The following RRP15 variants were observed in gnomAD, a reference collection of about 807,000 sequenced individuals.
RRP15 encodes RRP15-like protein.
RRP15 carries 18 observed loss-of-function variants against 27.1 expected under a neutral mutation model. The observed-to-expected ratio is 0.66, with a 90% CI of 0.46 to 0.98. The LOEUF is 0.98. Ranked by LOEUF, RRP15 falls within the 50% of genes least tolerant of loss-of-function variation. RRP15 has a pLI of 0.00. For missense variants in RRP15, 359 were observed against 337.8 expected (o/e 1.06, Z -0.49); for synonymous variants, 107 against 109.4 (o/e 0.98, Z 0.14).
At chr1:218,295,902 T>C (rs1175821819) in intron 1 of RRP15, among the ~76,000 whole-genome samples, 1 of 152,178 alleles carries the variant, frequency 6.6e-6, no homozygotes, top group Non-Finnish European at 1.5e-5. Context: ...CTTCATTTTT[T>C]CAAAGGTAAC....
intron 3 of RRP15, among the ~76,000 whole-genome samples, chr1:218,307,119 T>G (rs553786682): frequency 6.6e-6 from 1 of 152,372 alleles, no homozygotes; most frequent in Admixed American, 6.5e-5. Flanking sequence ...TTTAAGCTAC[T>G]GAGGCATTAT....
At chr1:218,315,984 A>T (rs1271288296) in intron 4 of RRP15, among the ~76,000 whole-genome samples, 1 of 152,230 alleles carries the variant, frequency 6.6e-6, no homozygotes, top group Admixed American at 6.5e-5. Context: ...CATGTTTGAA[A>T]TGAGAACAAG....
rs1656398124 is a variant in RRP15 at position 218,333,014 on chromosome 1, G to A, written c.*1923G>A. 6.6e-6 allele frequency: 1 copy of A among 152,086 alleles called. No individual in the cohort carries two copies. The highest frequency in any genetic ancestry group is 1.5e-5 in the Non-Finnish European group (1 of 68,000). The allele number at this position is 152,086 out of a possible 1,614,324, so 9.4% of individuals were successfully genotyped here. A position where few individuals can be genotyped will look rare whatever the true frequency, so the allele number is the denominator to read the frequency against. ...ATAGTACATTCACATGATAGATACG[G>A]ATAAATACCTTATTTACTAAAATGT... On this transcript the variant is annotated 3_prime_UTR_variant, in exon 5 of 5. Transcript: ENST00000366932.
At position 218,305,074 on chromosome 1, in the gene RRP15, A is replaced by T. The variant is rs764008100; in HGVS notation, c.452A>T (p.Asp151Val). ...EWEMMCRVKP[D>V]VVQDKETERN... ...GAAATGATGTGCAGAGTAAAGCCAG[A>T]TGTTGTCCAAGACAAAGAGACAGAG... The change falls in exon 3 of 5, where the codon GAT (aspartate) becomes GTT (valine). Residue 151 changes from aspartate (D) to valine (V), a missense_variant. Coordinates refer to ENST00000366932, the MANE Select transcript of RRP15 (RefSeq NM_016052.4). 9.3e-6 allele frequency: 15 copies of T among 1,613,934 alleles called. No homozygotes were observed. Among genetic ancestry groups the T allele is most frequent in the Non-Finnish European group, 1.3e-5 (15 of 1,179,864 alleles).
At chr1:218,311,695 C>T (rs958611530) in intron 4 of RRP15, among the ~76,000 whole-genome samples, 5 of 152,108 alleles carry the variant, frequency 3.3e-5, no homozygotes, top group Non-Finnish European at 4.4e-5. Context: ...TCTGTTTTTT[C>T]GGACTAAACG....
At chr1:218,317,892 C>T (rs1042394925) in intron 4 of RRP15, among the ~76,000 whole-genome samples, 15 of 151,696 alleles carry the variant, frequency 9.9e-5, no homozygotes, top group Non-Finnish European at 2.2e-4. Flanking sequence ...CCATTAGGCC[C>T]GGTTGATTTA....
rs1655734157 is a variant in RRP15, at chr1:218,297,205, C to T, written c.140-5089C>T. Among the ~76,000 whole-genome samples the T allele has an allele frequency of 1.3e-5, 2 of 152,164 alleles. 1 individual carries two copies. Among genetic ancestry groups the T allele is most frequent in the Admixed American group, 1.3e-4 (2 of 15,264 alleles). ...GGAATAAGAACATAACACCCCAAGT[C>T]TAATTCAGTAATCTGAGCTCTTAAC... is the stretch of plus-strand genomic sequence containing the variant. On this transcript the variant is annotated intron_variant, in intron 1 of 4. Transcript: ENST00000366932.
chr1:218,297,525 AAGAC>A lies in RRP15; in HGVS notation c.140-4765_140-4762del, dbSNP rs374550500. The stretch of plus-strand genomic sequence containing the variant: ...TCCTATTTTTACAGATGAAGAAACT[AAGAC>A]AGAAGACTTAATGTCAGAAAAGCCA... On this transcript the variant is annotated intron_variant, in intron 1 of 4. Transcript: ENST00000366932. Among the ~76,000 whole-genome samples, 371 of 152,312 alleles carry A rather than the reference AAGAC, an allele frequency of 2.4e-3. 3 individuals are homozygous for A. The highest frequency in any genetic ancestry group is 8.5e-3 in the African/African-American group (352 of 41,574).
intron 4 of RRP15, among the ~76,000 whole-genome samples, chr1:218,320,805 A>G (rs963399352): frequency 2.0e-5 from 3 of 152,196 alleles, no homozygotes; most frequent in Non-Finnish European, 2.9e-5. Context: ...GTATGTTTTT[A>G]ACTACAATTG....
At chr1:218,300,044 G>C (rs1655786513) in intron 1 of RRP15, among the ~76,000 whole-genome samples, 1 of 151,772 alleles carries the variant, frequency 6.6e-6, no homozygotes, top group African/African-American at 2.4e-5. Flanking sequence ...ATATTTGTAT[G>C]TTAAAGCCTA....
chr1:218,308,552 A>G (rs940615541), intron 4 of RRP15, among the ~76,000 whole-genome samples: 2 of 152,208 alleles, frequency 1.3e-5, no homozygotes, highest in African/African-American at 4.8e-5. Flanking sequence ...AATTTCTGTC[A>G]TAAATTTTTT....
chr1:218,305,209 A>G, intron 3 of RRP15, 84 bp downstream of exon 3: 1 of 1,040,042 alleles, frequency 9.6e-7, no homozygotes, highest in Non-Finnish European at 1.5e-6. Context: ...TTGATTCTTA[A>G]GCTCAGCCTT....
At chr1:218,307,726 G>T in intron 4 of RRP15, 94 bp downstream of exon 4, 1 of 880,798 alleles carries the variant, frequency 1.1e-6, no homozygotes, top group Non-Finnish European at 1.7e-6. Flanking sequence ...ACAGAGTTTT[G>T]TGTTTTTTTC....
intron 4 of RRP15, among the ~76,000 whole-genome samples, chr1:218,318,621 T>C (rs1206720476): frequency 6.6e-6 from 1 of 152,246 alleles, no homozygotes; most frequent in Non-Finnish European, 1.5e-5. Flanking sequence ...TTGCCATAAT[T>C]ACATCATATG....
intron 4 of RRP15, among the ~76,000 whole-genome samples, chr1:218,324,649 A>C (rs2102514632): frequency 6.6e-6 from 1 of 152,348 alleles, no homozygotes; most frequent in Admixed American, 6.5e-5. Flanking sequence ...ATTATCTATT[A>C]GTTTTCTGTT....
chr1:218,332,118 ATTTC>A lies in RRP15; in HGVS notation c.*1029_*1032del, dbSNP rs1558214384. 1 of 151,090 alleles carries A rather than the reference ATTTC, an allele frequency of 6.6e-6. No individual in the cohort carries two copies. 9.4% of individuals were successfully genotyped at this position (151,090 alleles called of 1,614,324 possible). ...CATGCTTAACTTATGCAATGAGACAATTTCTCAGGAAGCAAGTTTGACATGCTTT... is the reference window on the plus strand; with the variant it reads ...CATGCTTAACTTATGCAATGAGACAATCAGGAAGCAAGTTTGACATGCTTT... On this transcript the variant is annotated 3_prime_UTR_variant, in exon 5 of 5. Coordinates refer to ENST00000366932, the MANE Select transcript of RRP15 (RefSeq NM_016052.4).
rs755610041 is a variant in RRP15, at chr1:218,333,427, A to G, written c.*2336A>G. The G allele has an allele frequency of 6.6e-6, 1 of 152,204 alleles. No individual in the cohort carries two copies. Among genetic ancestry groups the G allele is most frequent in the African/African-American group, 2.4e-5 (1 of 41,440 alleles). 9.4% of individuals were successfully genotyped at this position (152,204 alleles called of 1,614,324 possible). A position where few individuals can be genotyped will look rare whatever the true frequency, so the allele number is the denominator to read the frequency against. On this transcript the variant is annotated 3_prime_UTR_variant, in exon 5 of 5. Transcript: ENST00000366932. The stretch of plus-strand genomic sequence containing the variant: ...CTATTCTAAATATTTTACCTACAAC[A>G]TTTAAATTATTCTGATATCAATCAG...
chr1:218,289,365 T>TA (rs1330505581), intron 1 of RRP15, among the ~76,000 whole-genome samples: 1 of 152,228 alleles, frequency 6.6e-6, no homozygotes, highest in Non-Finnish European at 1.5e-5. Context: ...AGAAAACTGT[T>TA]ACCTCCATAG....
chr1:218,323,032 T>A (rs549780583), intron 4 of RRP15, among the ~76,000 whole-genome samples: 1 of 152,258 alleles, frequency 6.6e-6, no homozygotes, highest in South Asian at 2.1e-4. Context: ...GTAAGCAGCT[T>A]CCATGGCCGA....
Sources: allele counts gnomAD v4.1 joint callset (sites outside exome capture counted in the v4.1 genomes callset), GRCh38; gene constraint gnomAD v4.1.1; transcripts MANE v1.5; gene names NCBI Gene and HGNC (gene_info 2026-07-23, HGNC 2026-07-21).